PTPRF: variants seen among roughly 807,000 people sequenced by gnomAD.
PTPRF encodes the protein protein tyrosine phosphatase receptor type F.
PTPRF carries 59 observed loss-of-function variants against 201.8 expected under a neutral mutation model. The ratio of observed to expected loss-of-function variants is 0.29; its 90% CI spans 0.24 to 0.36. The LOEUF is 0.36. Among genes scored for constraint, PTPRF ranks in the 10% least tolerant of loss-of-function variants. PTPRF has a pLI of 1.00. For missense variants in PTPRF, 2,132 were observed against 2,690.5 expected, an observed-to-expected ratio of 0.79 and a Z score of 4.59; for synonymous variants, 1,088 against 1,089.7, an observed-to-expected ratio of 1.00 and a Z score of 0.03.
Position 43,542,243 on chromosome 1 carries a change from G to A in PTPRF, c.-45-2788G>A, listed in dbSNP as rs780905681. ...GGCTCTGTGCCCGGAGTCTCAGGGC[G>A]GGAGGCAGCTTGCTCTCGCCAGGAG... On this transcript the variant is annotated intron_variant, in intron 2 of 33. Coordinates refer to ENST00000359947, the MANE Select transcript of PTPRF (RefSeq NM_002840.5). This position sits in a 1 kb window ranked among gnomAD's most constrained non-coding sequence, Gnocchi z 5.2. Among the ~76,000 whole-genome samples the A allele has an allele frequency of 1.3e-5, 2 of 152,172 alleles. No individual in the cohort carries two copies. The highest frequency in any genetic ancestry group is 2.9e-5 in the Non-Finnish European group (2 of 68,022).
intron 2 of PTPRF, among the ~76,000 whole-genome samples, chr1:43,544,288 T>G (rs1308170787): frequency 6.6e-6 from 1 of 152,214 alleles, no homozygotes; most frequent in Non-Finnish European, 1.5e-5. Flanking sequence ...TCCTGGCCAC[T>G]GAGGCCTCCC....
At chr1:43,599,988 G>A (rs577985894) in intron 13 of PTPRF, among the ~76,000 whole-genome samples, 8 of 152,304 alleles carry the variant, frequency 5.3e-5, no homozygotes, top group Admixed American at 3.3e-4. Flanking sequence ...ACTCAATGCT[G>A]TACACACTGT....
rs902328988 is a variant in PTPRF at position 43,591,504 on chromosome 1, G to T, written c.1482G>T (p.Val494=). ...YSLRVLAFTA[V]GDGPPSPTIQ... ...TGCGCGTGCTTGCCTTCACCGCCGT[G>T]GGCGATGGCCCTCCCAGCCCCACCA... is the stretch of plus-strand genomic sequence containing the variant. The change falls in exon 9 of 34, where the codon GTG becomes GTT. Residue 494 remains valine (V), a synonymous_variant. Transcript: ENST00000359947. The T allele has an allele frequency of 1.2e-6, 2 of 1,601,020 alleles. No homozygotes were observed. The highest frequency in any genetic ancestry group is 1.7e-5 in the Admixed American group (1 of 59,210).
At chr1:43,579,584 A>G (rs1313683469) in intron 7 of PTPRF, 1 of 286,444 alleles carries the variant, frequency 3.5e-6, no homozygotes, top group African/African-American at 2.2e-5. Flanking sequence ...CCCAGCAGAG[A>G]GGAACCTGGG....
At chr1:43,524,919 G>C (rs1643053239), upstream of PTPRF, among the ~76,000 whole-genome samples, 1 of 152,236 alleles carries the variant, frequency 6.6e-6, no homozygotes, top group South Asian at 2.1e-4. Flanking sequence ...AAGCCGACTG[G>C]AGAACTGCGC....
intron 5 of PTPRF, among the ~76,000 whole-genome samples, chr1:43,561,138 A>C (rs1393023393): frequency 2.6e-5 from 4 of 151,372 alleles, no homozygotes; most frequent in South Asian, 4.2e-4. Context: ...CCCCCTGACC[A>C]CTCCACAACA....
intron 6 of PTPRF, among the ~76,000 whole-genome samples, chr1:43,573,977 CTTTTTTTTTTTTTTTTTT>C (rs77543816): frequency 4.2e-4 from 27 of 63,918 alleles, no homozygotes; most frequent in African/African-American, 1.5e-3. Context: ...TGTGTGGGTT[CTTTTTTTTTTTTTTTTTT>C]TTTTTTTTTT....
At chr1:43,613,188 G>T in intron 22 of PTPRF, 1 of 309,304 alleles carries the variant, frequency 3.2e-6, no homozygotes. Flanking sequence ...CTTGGTGCCC[G>T]GGATGACGAT....
chr1:43,577,915 T>C (rs1287372391), intron 6 of PTPRF, among the ~76,000 whole-genome samples: 1 of 152,094 alleles, frequency 6.6e-6, no homozygotes, highest in Non-Finnish European at 1.5e-5. Context: ...CACAAGCAGT[T>C]TTTTCAAGTG....
At chr1:43,597,643 AG>A in intron 11 of PTPRF, 104 bp from the exon 12 acceptor site, 1 of 877,082 alleles carries the variant, frequency 1.1e-6, no homozygotes, top group East Asian at 2.7e-5. Flanking sequence ...TCAGCACCTA[AG>A]GGGTAGCCTG....
At chr1:43,558,531 G>A (rs1428392692) in intron 5 of PTPRF, among the ~76,000 whole-genome samples, 1 of 152,212 alleles carries the variant, frequency 6.6e-6, no homozygotes, top group South Asian at 2.1e-4. Context: ...GCCGGGGTGA[G>A]CCTGTCCTGG....
chr1:43,612,886 C>G, intron 22 of PTPRF: 1 of 1,129,764 alleles, frequency 8.9e-7, no homozygotes, highest in Non-Finnish European at 1.2e-6. Context: ...CCCATCGCCT[C>G]CATCCTTCCT....
In PTPRF at chr1:43,604,145, C is replaced by T; in HGVS notation, c.2993C>T (p.Pro998Leu). 2 of 1,614,162 alleles carry T rather than the reference C, an allele frequency of 1.2e-6. No homozygotes were observed. The highest frequency in any genetic ancestry group is 1.7e-6 in the Non-Finnish European group (2 of 1,180,046). The change falls in exon 16 of 34, where the codon CCA becomes CTA. Residue 998 changes from proline to leucine, a missense_variant. By Grantham distance (98) the Pro-to-Leu change is moderately conservative. This residue lies in a region of PTPRF where 818 missense variants were observed against 915.3 expected (regional missense o/e 0.89). Transcript: ENST00000359947. ...GCATGGACCAGCAAAGGCTCTGGCC[C>T]ACTCAGCCCCAGCATCCAGTCCCGG... is the stretch of plus-strand genomic sequence containing the variant. ...VRAWTSKGSG[P>L]LSPSIQSRTM... is the part of the protein sequence containing the mutation.
At chr1:43,539,927 A>C (rs1356914306) in intron 2 of PTPRF, among the ~76,000 whole-genome samples, 1 of 152,168 alleles carries the variant, frequency 6.6e-6, no homozygotes, top group Non-Finnish European at 1.5e-5. Flanking sequence ...AGGCGCCAGC[A>C]AATACAGGAG....
At chr1:43,600,408 C>T (rs1032378856) in intron 13 of PTPRF, among the ~76,000 whole-genome samples, 7 of 152,072 alleles carry the variant, frequency 4.6e-5, no homozygotes, top group Non-Finnish European at 7.4e-5. Flanking sequence ...ATCATGGGGG[C>T]GGTAACTCGA....
chr1:43,535,121 G>A (rs992206679), intron 1 of PTPRF, among the ~76,000 whole-genome samples: 1 of 152,142 alleles, frequency 6.6e-6, no homozygotes, highest in African/African-American at 2.4e-5. Context: ...GCTAAGGTTA[G>A]GGTCCCTGTC....
Position 43,605,451 on chromosome 1 carries a change from C to T in PTPRF, c.3389+8C>T, listed in dbSNP as rs559496831. The T allele has an allele frequency of 5.0e-6, 8 of 1,610,164 alleles. No individual in the cohort carries two copies. In the African/African-American group the frequency reaches 5.3e-5, roughly 11 times the overall value. ...AGACCCCTCGCTTGTCAGGTGTGCA[C>T]ACGAGGTATCGGGGGAGGCGGGGCA... On this transcript the variant is annotated splice_region_variant and intron_variant, in intron 18 of 33. Transcript: ENST00000359947.
At chr1:43,609,584 A>C in intron 22 of PTPRF, 86 bp downstream of exon 22, 2 of 960,550 alleles carry the variant, frequency 2.1e-6, no homozygotes, top group Non-Finnish European at 3.2e-6. Flanking sequence ...GTCGCCACTG[A>C]AGTTCCTGGG....
chr1:43,577,908 A>G (rs1176132201), intron 6 of PTPRF, among the ~76,000 whole-genome samples: 2 of 152,124 alleles, frequency 1.3e-5, no homozygotes, highest in Non-Finnish European at 2.9e-5. Flanking sequence ...GTGCTTTCAC[A>G]AGCAGTTTTT....
Sources: allele counts gnomAD v4.1 joint callset (sites outside exome capture counted in the v4.1 genomes callset), GRCh38; gene constraint gnomAD v4.1.1; regional missense constraint gnomAD v4.1.1; non-coding constraint Gnocchi (gnomAD v3.1); transcripts MANE v1.5; gene names NCBI Gene and HGNC (gene_info 2026-07-23, HGNC 2026-07-21).